ZFHX3: variants seen among roughly 807,000 people sequenced by gnomAD.
ZFHX3 encodes zinc finger homeobox 3, also known as zinc finger homeobox protein 3.
ZFHX3 carries 42 observed loss-of-function variants against 279.1 expected under a neutral mutation model. That is an observed-to-expected ratio of 0.15 (90% CI 0.12 to 0.19). The LOEUF (loss-of-function observed/expected upper bound fraction) is 0.19, where lower values mean the gene tolerates loss of function less well. ZFHX3 is among the 10% of genes least tolerant of loss of function. The pLI is 1.00. For missense variants in ZFHX3, 4,981 were observed against 4,754.0 expected, an observed-to-expected ratio of 1.05 and a Z score of -1.40; for synonymous variants, 2,293 against 1,957.8, an observed-to-expected ratio of 1.17 and a Z score of -4.52.
chr16:73,663,995 G>A (rs1371135388), intron 2 of ZFHX3, among the ~76,000 whole-genome samples: 1 of 152,190 alleles, frequency 6.6e-6, no homozygotes, highest in East Asian at 1.9e-4. Context: ...TAGAGATGCA[G>A]CAGAGTAACT....
At chr16:72,839,498 G>T (rs1451716256) in intron 4 of ZFHX3, among the ~76,000 whole-genome samples, 1 of 152,000 alleles carries the variant, frequency 6.6e-6, no homozygotes, top group African/African-American at 2.4e-5. Flanking sequence ...TACCAAGAAG[G>T]GTGTCCCCCA....
Position 72,986,852 on chromosome 16 carries a change from A to C in ZFHX3, c.-49-26658T>G, listed in dbSNP as rs116738031. Among the ~76,000 whole-genome samples the C allele has an allele frequency of 6.4e-3, 972 of 152,258 alleles. 10 individuals carry two copies. The highest frequency in any genetic ancestry group is 0.022 in the African/African-American group (917 of 41,530). On this transcript the variant is annotated intron_variant, in intron 1 of 9. Transcript: ENST00000268489. ...TGTTTTCAGAGTGTGAAATGGAAAAAACATAGAACCCAGCCAGGTGCAGTG... is the reference window on the plus strand; with the variant it reads ...TGTTTTCAGAGTGTGAAATGGAAAACACATAGAACCCAGCCAGGTGCAGTG...
At chr16:73,876,808 G>C (rs1384571419) in intron 1 of ZFHX3, among the ~76,000 whole-genome samples, 1 of 152,046 alleles carries the variant, frequency 6.6e-6, no homozygotes, top group Admixed American at 6.6e-5. Context: ...AATGAGCTTT[G>C]TTTCTTTTTT....
chr16:73,296,424 C>T (rs1408569414), intron 4 of ZFHX3, among the ~76,000 whole-genome samples: 1 of 152,118 alleles, frequency 6.6e-6, no homozygotes, highest in African/African-American at 2.4e-5. Flanking sequence ...ATTTCCAGGC[C>T]TCACTCTGGA....
chr16:73,035,212 G>T (rs1964857138), intron 1 of ZFHX3, among the ~76,000 whole-genome samples: 1 of 152,170 alleles, frequency 6.6e-6, no homozygotes, highest in South Asian at 2.1e-4. Context: ...ATTACCTGTG[G>T]AAATGATAAC....
intron 5 of ZFHX3, among the ~76,000 whole-genome samples, chr16:73,202,966 G>A (rs1482096223): frequency 3.5e-5 from 3 of 85,642 alleles, no homozygotes; most frequent in Non-Finnish European, 7.1e-5. Context: ...TTTCTTTTTC[G>A]TTCCTATCTT....
intron 3 of ZFHX3, among the ~76,000 whole-genome samples, chr16:73,446,680 T>C (rs902283075): frequency 1.3e-5 from 2 of 152,040 alleles, no homozygotes; most frequent in Non-Finnish European, 2.9e-5. Flanking sequence ...GGGAGCTAAA[T>C]GATGAGAACT....
chr16:73,003,520 CT>C (rs1332366974), intron 1 of ZFHX3, among the ~76,000 whole-genome samples: 4 of 112,588 alleles, frequency 3.6e-5, no homozygotes, highest in Admixed American at 9.3e-5. Context: ...AGACCCCCCC[CT>C]CCCCACCCCG....
intron 5 of ZFHX3, among the ~76,000 whole-genome samples, chr16:73,193,480 C>G (rs573311429): frequency 6.6e-6 from 1 of 152,274 alleles, no homozygotes; most frequent in East Asian, 1.9e-4. Flanking sequence ...TTCCCTGGCA[C>G]CAAGGAACAT....
chr16:73,081,642 G>A (rs1965946623), intron 8 of ZFHX3: 1 of 152,120 alleles, frequency 6.6e-6, no homozygotes, highest in African/African-American at 2.4e-5. Context: ...TCCACTGGTA[G>A]ATGCCAATTC....
At chr16:73,583,090 G>T (rs1234361483) in intron 2 of ZFHX3, among the ~76,000 whole-genome samples, 2 of 152,186 alleles carry the variant, frequency 1.3e-5, no homozygotes, top group Non-Finnish European at 2.9e-5. Context: ...AGCTTTCCCA[G>T]CTATGGAGAC....
intron 2 of ZFHX3, among the ~76,000 whole-genome samples, chr16:73,667,957 T>A (rs1343878298): frequency 6.6e-6 from 1 of 152,226 alleles, no homozygotes; most frequent in African/African-American, 2.4e-5. Context: ...TTTCTTTGAA[T>A]TCCTACAGCA....
intron 2 of ZFHX3, among the ~76,000 whole-genome samples, chr16:73,581,475 T>A (rs891906760): frequency 6.6e-6 from 1 of 151,736 alleles, no homozygotes; most frequent in Non-Finnish European, 1.5e-5. Flanking sequence ...AAAATTGTTT[T>A]ACACAAATGG....
intron 3 of ZFHX3, among the ~76,000 whole-genome samples, chr16:73,342,430 C>T (rs1184071336): frequency 1.3e-5 from 2 of 152,072 alleles, no homozygotes; most frequent in South Asian, 2.1e-4. Context: ...TCAATGGCCA[C>T]GAATAGAAGA....
At chr16:73,019,659 T>C (rs543856063) in intron 1 of ZFHX3, among the ~76,000 whole-genome samples, 36 of 152,300 alleles carry the variant, frequency 2.4e-4, no homozygotes, top group Non-Finnish European at 2.1e-4. Flanking sequence ...AACCTGGAGA[T>C]TGTGAGTCAT....
chr16:73,388,550 A>G (rs2016946979), intron 3 of ZFHX3, among the ~76,000 whole-genome samples: 1 of 152,170 alleles, frequency 6.6e-6, no homozygotes. Context: ...GTAAGTTGCC[A>G]GGGGATTGGA....
At chr16:73,204,028 G>T (rs953773507) in intron 5 of ZFHX3, among the ~76,000 whole-genome samples, 7 of 152,050 alleles carry the variant, frequency 4.6e-5, no homozygotes, top group African/African-American at 1.7e-4. Context: ...GAATGGAAAA[G>T]ATTCCTCTCC....
chr16:73,675,304 T>C (rs768676167), intron 2 of ZFHX3, among the ~76,000 whole-genome samples: 1 of 152,088 alleles, frequency 6.6e-6, no homozygotes, highest in Non-Finnish European at 1.5e-5. Context: ...CCTTCAGTTT[T>C]ATGGTTAATT....
chr16:73,029,121 A>C (rs1257467919), intron 1 of ZFHX3, among the ~76,000 whole-genome samples: 1 of 152,108 alleles, frequency 6.6e-6, no homozygotes, highest in East Asian at 1.9e-4. Flanking sequence ...CACTGCCTCA[A>C]CATGGGGCCA....
Sources: gnomAD v4.1 joint callset for allele counts (sites outside exome capture counted in the v4.1 genomes callset) on GRCh38, gnomAD v4.1.1 for gene constraint, MANE v1.5 for transcripts, NCBI Gene and HGNC (gene_info 2026-07-23, HGNC 2026-07-21) for gene names.